The following MLIP variants were observed in gnomAD, a reference collection of about 807,000 sequenced individuals.
MLIP encodes muscular LMNA-interacting protein.
MLIP carries 79 observed loss-of-function variants against 84.8 expected under a neutral mutation model. The observed-to-expected ratio is 0.93, with a 90% CI of 0.78 to 1.12. MLIP has a LOEUF of 1.12. Among genes scored for constraint, MLIP ranks in the 50% most tolerant of loss-of-function variants. MLIP has a pLI of 0.00. For missense variants in MLIP, 1,257 were observed against 1,160.6 expected, an observed-to-expected ratio of 1.08 and a Z score of -1.21; for synonymous variants, 504 against 463.0, an observed-to-expected ratio of 1.09 and a Z score of -1.14.
chr6:54,247,317 C>A, intron 12 of MLIP, among the ~76,000 whole-genome samples: 1 of 151,952 alleles, frequency 6.6e-6, no homozygotes, highest in South Asian at 2.1e-4. Context: ...TTTATTTTAT[C>A]CTTTGAAGTT....
At chr6:54,079,442 A>G (rs1017299337) in intron 1 of MLIP, 22 of 152,334 alleles carry the variant, frequency 1.4e-4, no homozygotes, top group African/African-American at 5.3e-4. Flanking sequence ...TATTTTAATA[A>G]TGAATTTGCT....
intron 10 of MLIP, among the ~76,000 whole-genome samples, chr6:54,190,359 A>G (rs1777793417): frequency 6.6e-6 from 1 of 152,246 alleles, no homozygotes; most frequent in Admixed American, 6.5e-5. Flanking sequence ...CAATACAAAC[A>G]CAACGTGAAT....
At chr6:54,185,147 C>T (rs1777264534) in intron 9 of MLIP, among the ~76,000 whole-genome samples, 1 of 152,172 alleles carries the variant, frequency 6.6e-6, no homozygotes, top group Admixed American at 6.5e-5. Context: ...ATAGCTATAA[C>T]TTCTAATAAA....
chr6:54,187,403 A>AG (rs552353216), intron 9 of MLIP, among the ~76,000 whole-genome samples: 1 of 152,196 alleles, frequency 6.6e-6, no homozygotes, highest in Non-Finnish European at 1.5e-5. Context: ...GTATTTAACG[A>AG]GGGGGGACTA....
At chr6:54,061,831 G>T (rs1307834540) in intron 1 of MLIP, among the ~76,000 whole-genome samples, 1 of 152,182 alleles carries the variant, frequency 6.6e-6, no homozygotes, top group Non-Finnish European at 1.5e-5. Context: ...ATCTCAGCAT[G>T]GGTGGGAAGA....
chr6:54,198,090 T>G (rs1778423662), intron 10 of MLIP, among the ~76,000 whole-genome samples: 1 of 152,094 alleles, frequency 6.6e-6, no homozygotes, highest in African/African-American at 2.4e-5. Flanking sequence ...AAGATCTATC[T>G]CTACATGAGC....
intron 1 of MLIP, among the ~76,000 whole-genome samples, chr6:54,106,067 A>C (rs1768987228): frequency 6.6e-6 from 1 of 152,140 alleles, no homozygotes; most frequent in Non-Finnish European, 1.5e-5. Context: ...TTAGCATGCA[A>C]AGTTTATTAG....
intron 12 of MLIP, among the ~76,000 whole-genome samples, chr6:54,238,881 T>C (rs2150828825): frequency 6.6e-6 from 1 of 152,308 alleles, no homozygotes; most frequent in African/African-American, 2.4e-5. Context: ...ACTTTTAGTT[T>C]TCTAAAAATG....
chr6:54,198,882 G>C (rs915291632), intron 10 of MLIP, among the ~76,000 whole-genome samples: 1 of 135,608 alleles, frequency 7.4e-6, no homozygotes, highest in African/African-American at 2.5e-5. Flanking sequence ...GTGTGTCTGT[G>C]TGTGTGTGTG....
At chr6:54,100,352 A>G (rs1188437359) in intron 1 of MLIP, among the ~76,000 whole-genome samples, 2 of 152,042 alleles carry the variant, frequency 1.3e-5, no homozygotes, top group Non-Finnish European at 2.9e-5. Context: ...CTTTCATGAT[A>G]TACAAAATAC....
At chr6:54,121,313 G>A in intron 1 of MLIP, 134 bp from the exon 2 acceptor site, 1 of 843,034 alleles carries the variant, frequency 1.2e-6, no homozygotes, top group East Asian at 2.6e-5. Context: ...GTTTACTTTG[G>A]CAGCCATATA....
intron 1 of MLIP, among the ~76,000 whole-genome samples, chr6:54,094,740 G>A (rs925776887): frequency 6.6e-6 from 1 of 151,890 alleles, no homozygotes; most frequent in Non-Finnish European, 1.5e-5. Flanking sequence ...GCCACCCACC[G>A]ACCCCAAATG....
At chr6:54,109,242 G>A (rs923131691), upstream of MLIP, among the ~76,000 whole-genome samples, 1 of 149,568 alleles carries the variant, frequency 6.7e-6, no homozygotes, top group African/African-American at 2.5e-5. Context: ...TGTCTTACTT[G>A]CCTTTATTCT....
intron 1 of MLIP, among the ~76,000 whole-genome samples, chr6:54,088,522 A>T (rs559509322): frequency 6.6e-6 from 1 of 152,136 alleles, no homozygotes; most frequent in African/African-American, 2.4e-5. Flanking sequence ...TTAATTACAG[A>T]GGGGTCAAAG....
chr6:54,250,285 G>A (rs1478301566), intron 12 of MLIP, among the ~76,000 whole-genome samples: 2 of 152,070 alleles, frequency 1.3e-5, no homozygotes, highest in African/African-American at 4.8e-5. Context: ...GTTCGACCAT[G>A]TGGAAGACAG....
chr6:54,233,238 T>C (rs1781127002), intron 12 of MLIP, among the ~76,000 whole-genome samples: 1 of 152,202 alleles, frequency 6.6e-6, no homozygotes, highest in South Asian at 2.1e-4. Flanking sequence ...TGCCGGTTTG[T>C]TACATAGGTG....
intron 12 of MLIP, among the ~76,000 whole-genome samples, chr6:54,252,177 C>CATATAATATATAACTATAATATATT (rs376252510): frequency 1.3e-5 from 1 of 77,532 alleles, no homozygotes; most frequent in East Asian, 4.6e-4. Context: ...TATATTATAA[C>CATATAATATATAACTATAATATATT]ATAATATATA....
chr6:54,063,675 C>T (rs187528640), intron 1 of MLIP, among the ~76,000 whole-genome samples: 1 of 140,390 alleles, frequency 7.1e-6, no homozygotes, highest in East Asian at 2.2e-4. Context: ...AAAAAATGGA[C>T]ATGATTAGAT....
Position 54,117,145 on chromosome 6 carries a change from G to A in MLIP, c.97-4302G>A, listed in dbSNP as rs574546889. Among the ~76,000 whole-genome samples the A allele has an allele frequency of 1.8e-4, 27 of 151,562 alleles. No individual in the cohort carries two copies. The South Asian group carries it at 5.6e-3, about 32-fold the overall frequency. ...CAAATCCATAGCTAACATATTGAAT[G>A]GGGAAAAGCTGAAAGGTTTTACTCT... is the stretch of plus-strand genomic sequence containing the variant. On this transcript the variant is annotated intron_variant, in intron 1 of 13. Transcript: ENST00000502396.
Sources: gnomAD v4.1 joint callset for allele counts (sites outside exome capture counted in the v4.1 genomes callset) on GRCh38, gnomAD v4.1.1 for gene constraint, MANE v1.5 for transcripts, NCBI Gene and HGNC (gene_info 2026-07-23, HGNC 2026-07-21) for gene names.